Variants in PHIP observed in about 807,000 individuals in gnomAD.
PHIP encodes the protein PHIP subunit of CUL4-Ring ligase complex, also known as PH-interacting protein.
A neutral mutation model predicts 236.8 loss-of-function variants in PHIP; 54 were observed. The observed-to-expected ratio is 0.23, with a 90% CI of 0.18 to 0.29. The LOEUF (loss-of-function observed/expected upper bound fraction) is 0.29. PHIP is among the 10% of genes least tolerant of loss of function. The pLI is 1.00. For missense variants in PHIP, 1,370 were observed against 2,190.8 expected, an observed-to-expected ratio of 0.63 and a Z score of 7.48; for synonymous variants, 756 against 718.9, an observed-to-expected ratio of 1.05 and a Z score of -0.83.
chr6:78,970,179 A>G lies in PHIP; in HGVS notation c.2998-6T>C, dbSNP rs750885710. On this transcript the variant is annotated splice_polypyrimidine_tract_variant and splice_region_variant and intron_variant, in intron 25 of 39. Coordinates refer to ENST00000275034, the MANE Select transcript of PHIP (RefSeq NM_017934.7). ...ATTTTCATAAGTTCTTGTTCCTGAG[A>G]GAGACAGAGAATATAAGGAACCATC... is the stretch of plus-strand genomic sequence containing the variant. 1.9e-6 allele frequency: 3 copies of G among 1,609,236 alleles called. No individual in the cohort carries two copies. Among genetic ancestry groups the G allele is most frequent in the Non-Finnish European group, 2.5e-6 (3 of 1,176,576 alleles).
At chr6:78,990,153 C>CT (rs1304607765) in intron 20 of PHIP, among the ~76,000 whole-genome samples, 2 of 152,212 alleles carry the variant, frequency 1.3e-5, no homozygotes, top group East Asian at 3.9e-4. Context: ...TCAATAATTG[C>CT]TTTAGATAGT....
At position 78,998,268 on chromosome 6, in the gene PHIP, C is replaced by T; in HGVS notation, c.2003G>A (p.Ser668Asn). The T allele has an allele frequency of 1.2e-6, 2 of 1,610,340 alleles. No homozygotes were observed. ...RSGEAVISNT[S>N]RLSRGSISST... is the part of the protein sequence containing the mutation. ...TACCTGCTTACCTCTACTTAAACGG[C>T]TGGTATTACTGATAACTGCTTCACC... The change falls in exon 18 of 40, where the codon AGC becomes AAC. Residue 668 changes from serine to asparagine, a missense_variant. By Grantham distance (46) the Ser-to-Asn change is conservative. This residue lies in a region of PHIP where 133 missense variants were observed against 245.2 expected (regional missense o/e 0.54). Coordinates refer to ENST00000275034, the MANE Select transcript of PHIP (RefSeq NM_017934.7).
At chr6:79,073,064 T>C (rs1372056348) in intron 4 of PHIP, among the ~76,000 whole-genome samples, 1 of 152,026 alleles carries the variant, frequency 6.6e-6, no homozygotes, top group Admixed American at 6.6e-5. Context: ...CTCACAACAA[T>C]CAAATAAAAA....
At chr6:78,970,700 T>TA in intron 25 of PHIP, 81 bp downstream of exon 25, 2 of 868,378 alleles carry the variant, frequency 2.3e-6, no homozygotes, top group East Asian at 2.5e-5. Flanking sequence ...CTTATTGTGT[T>TA]AATAGTAACC....
intron 9 of PHIP, among the ~76,000 whole-genome samples, chr6:79,020,141 CA>C (rs2127744139): frequency 6.6e-6 from 1 of 151,082 alleles, no homozygotes; most frequent in Non-Finnish European, 1.5e-5. Context: ...TAGGTTGGTG[CA>C]AAAATAATTG....
intron 4 of PHIP, among the ~76,000 whole-genome samples, chr6:79,064,201 C>T (rs1301348117): frequency 1.3e-5 from 2 of 152,144 alleles, no homozygotes; most frequent in Non-Finnish European, 2.9e-5. Flanking sequence ...AAATCCTACA[C>T]TATAAATTAG....
intron 19 of PHIP, among the ~76,000 whole-genome samples, chr6:78,992,055 G>A (rs530636238): frequency 4.7e-5 from 7 of 148,760 alleles, no homozygotes; most frequent in Middle Eastern, 3.5e-3. Flanking sequence ...TCTGCCCCCC[G>A]GGGTTCACAC....
intron 7 of PHIP, among the ~76,000 whole-genome samples, chr6:79,029,994 G>C (rs1463874136): frequency 6.6e-6 from 1 of 151,998 alleles, no homozygotes; most frequent in Non-Finnish European, 1.5e-5. Context: ...ATAGTCTTTT[G>C]ACCAAAGAAA....
intron 7 of PHIP, among the ~76,000 whole-genome samples, chr6:79,034,511 T>C (rs1159686673): frequency 6.6e-6 from 1 of 152,196 alleles, no homozygotes; most frequent in African/African-American, 2.4e-5. Context: ...AAACAGCACC[T>C]AAAGTCTATG....
intron 24 of PHIP, among the ~76,000 whole-genome samples, chr6:78,973,764 CAA>C (rs1767806806): frequency 6.6e-6 from 1 of 151,808 alleles, no homozygotes; most frequent in Non-Finnish European, 1.5e-5. Flanking sequence ...CAACAAAGAT[CAA>C]AAGAGACAAA....
At chr6:78,957,035 A>G (rs1766463327) in intron 32 of PHIP, 1 of 152,088 alleles carries the variant, frequency 6.6e-6, no homozygotes, top group African/African-American at 2.4e-5. Flanking sequence ...TCTGCTAAAA[A>G]AAGTATTTTT....
At chr6:78,982,170 G>A (rs1277047345) in intron 23 of PHIP, among the ~76,000 whole-genome samples, 2 of 151,818 alleles carry the variant, frequency 1.3e-5, no homozygotes, top group Non-Finnish European at 2.9e-5. Context: ...CAGAAAACAT[G>A]CCCCTCGTGT....
chr6:78,986,931 G>A (rs1001251911), intron 21 of PHIP, among the ~76,000 whole-genome samples: 4 of 129,130 alleles, frequency 3.1e-5, no homozygotes, highest in South Asian at 3.2e-4. Context: ...CTTCCTTAAA[G>A]GGGGGAAAAA....
intron 19 of PHIP, among the ~76,000 whole-genome samples, chr6:78,995,176 T>C (rs1326443796): frequency 1.3e-5 from 2 of 152,236 alleles, no homozygotes; most frequent in African/African-American, 4.8e-5. Flanking sequence ...TCCCTCAAGA[T>C]TCATACCCAT....
intron 6 of PHIP, among the ~76,000 whole-genome samples, chr6:79,060,043 G>T (rs1029746609): frequency 4.1e-4 from 62 of 151,306 alleles, no homozygotes; most frequent in African/African-American, 1.5e-3. Flanking sequence ...CATGAACCTA[G>T]GAGGCATCTC....
At chr6:79,027,539 CTATG>C (rs1160076290) in intron 7 of PHIP, among the ~76,000 whole-genome samples, 1 of 152,122 alleles carries the variant, frequency 6.6e-6, no homozygotes, top group Non-Finnish European at 1.5e-5. Context: ...TGTCTTGTGA[CTATG>C]TGACAACCAC....
chr6:79,006,395 A>G (rs1770293113), intron 15 of PHIP, among the ~76,000 whole-genome samples: 1 of 152,038 alleles, frequency 6.6e-6, no homozygotes, highest in South Asian at 2.1e-4. Flanking sequence ...TTTAAAATGT[A>G]TGGTACGATT....
intron 22 of PHIP, among the ~76,000 whole-genome samples, chr6:78,983,916 C>T (rs1768703254): frequency 6.6e-6 from 1 of 151,746 alleles, no homozygotes; most frequent in Non-Finnish European, 1.5e-5. Context: ...GTTGTATTAT[C>T]TTCTATATTA....
chr6:78,946,139 T>C lies in PHIP; in HGVS notation c.4492A>G (p.Thr1498Ala). 6.2e-7 allele frequency: 1 copy of C among 1,614,112 alleles called. No homozygotes were observed. Among genetic ancestry groups the C allele is most frequent in the Non-Finnish European group, 8.5e-7 (1 of 1,179,964 alleles). ...GTTCGAACCACAGAACTAGATTCTG[T>C]TTTACCGTTTATCTGAGCAGCATTG... The part of the protein sequence containing the change: ...RHNAAQINGK[T>A]ESSSVVRTRS... Residue 1498 changes from threonine (T) to alanine (A), a missense_variant, in exon 38 of 40, where the codon ACA becomes GCA. This residue lies in a region of PHIP where 309 missense variants were observed against 328.3 expected (regional missense o/e 0.94). Coordinates refer to ENST00000275034, the MANE Select transcript of PHIP (RefSeq NM_017934.7).
Sources: allele counts gnomAD v4.1 joint callset (sites outside exome capture counted in the v4.1 genomes callset), GRCh38; gene constraint gnomAD v4.1.1; regional missense constraint gnomAD v4.1.1; transcripts MANE v1.5; gene names NCBI Gene and HGNC (gene_info 2026-07-23, HGNC 2026-07-21).